Variants in RETREG3 observed in about 807,000 individuals in gnomAD.
RETREG3 encodes the protein reticulophagy regulator 3.
A neutral mutation model predicts 50.2 loss-of-function variants in RETREG3; 23 were observed. That is an observed-to-expected ratio of 0.46 (90% CI 0.33 to 0.65). RETREG3 has a LOEUF of 0.65. Ranked by LOEUF, RETREG3 falls within the 30% of genes least tolerant of loss-of-function variation. The pLI is 0.02. For synonymous variants in RETREG3, 240 were observed against 234.4 expected (o/e 1.02, Z -0.22); for missense variants, 546 against 598.0 (o/e 0.91, Z 0.91).
At chr17:42,586,354 C>T (rs2093121238) in intron 4 of RETREG3, 1 of 520,258 alleles carries the variant, frequency 1.9e-6, no homozygotes. Context: ...AGGGCTGCAC[C>T]TTTCCTGCCA....
chr17:42,583,287 A>G (rs922426705), intron 7 of RETREG3, among the ~76,000 whole-genome samples: 4 of 152,188 alleles, frequency 2.6e-5, no homozygotes, highest in Admixed American at 6.5e-5. Context: ...GCTGGGCATC[A>G]GGCTCTAATT....
At chr17:42,590,829 T>C (rs553901220) in intron 2 of RETREG3, among the ~76,000 whole-genome samples, 64 of 152,210 alleles carry the variant, frequency 4.2e-4, no homozygotes, top group African/African-American at 1.5e-3. Flanking sequence ...TAGCCAGGCA[T>C]GGTGGTGCGT....
At chr17:42,597,552 A>G (rs1364676145) in intron 1 of RETREG3, among the ~76,000 whole-genome samples, 1 of 128,346 alleles carries the variant, frequency 7.8e-6, no homozygotes, top group African/African-American at 3.1e-5. Context: ...TTTCGTATAT[A>G]TATTTTTGTG....
chr17:42,609,032 G>C (rs2093174028), intron 1 of RETREG3, 54 bp downstream of exon 1: 5 of 1,556,824 alleles, frequency 3.2e-6, no homozygotes, highest in Admixed American at 3.5e-5. Flanking sequence ...TAGAGCCCTA[G>C]AGGAACCAAC....
intron 1 of RETREG3, among the ~76,000 whole-genome samples, chr17:42,602,779 G>A (rs780764914): frequency 7.9e-5 from 12 of 152,062 alleles, no homozygotes; most frequent in African/African-American, 2.7e-4. Context: ...TTGTTTCTAC[G>A]AAAAATACAA....
At chr17:42,603,092 A>G (rs1306709649) in intron 1 of RETREG3, among the ~76,000 whole-genome samples, 1 of 152,118 alleles carries the variant, frequency 6.6e-6, no homozygotes, top group African/African-American at 2.4e-5. Context: ...GTCAGGGACT[A>G]AAATCCAATT....
chr17:42,605,398 C>T (rs147659537), intron 1 of RETREG3: 78 of 152,254 alleles, frequency 5.1e-4, no homozygotes, highest in African/African-American at 1.8e-3. Context: ...CTGACTTGAG[C>T]TAATGATCCT....
chr17:42,607,501 A>G (rs952822995), intron 1 of RETREG3, among the ~76,000 whole-genome samples: 3 of 143,784 alleles, frequency 2.1e-5, no homozygotes, highest in Admixed American at 6.9e-5. Flanking sequence ...CCTTGTCTCA[A>G]AAAAAAAAAA....
Position 42,581,874 on chromosome 17 carries a change from A to G in RETREG3, c.1340T>C (p.Phe447Ser), listed in dbSNP as rs2093109539. 1 of 1,613,008 alleles carries G rather than the reference A, an allele frequency of 6.2e-7. No homozygotes were observed. Among genetic ancestry groups the G allele is most frequent in the Admixed American group, 1.7e-5 (1 of 59,954 alleles). The change falls in exon 9 of 9, where the codon TTT becomes TCT. Residue 447 changes from phenylalanine (F) to serine (S), a missense_variant. Phe to Ser is a radical substitution (Grantham distance 155). Coordinates refer to ENST00000309428, the MANE Select transcript of RETREG3 (RefSeq NM_178126.4). ...DLDTDAEGDDFELLDQSELSQ... is the reference protein window; with the variant it reads ...DLDTDAEGDDSELLDQSELSQ... ...CAGCTCCGACTGGTCCAGAAGTTCA[A>G]AGTCATCCCCCTCAGCATCAGTGTC...
intron 3 of RETREG3, 139 bp from the exon 4 acceptor site, chr17:42,587,030 A>G (rs543788597): frequency 1.5e-4 from 173 of 1,173,830 alleles, no homozygotes; most frequent in Non-Finnish European, 2.0e-4. Flanking sequence ...GTGAAGCATG[A>G]CTTTCTTCTT....
intron 1 of RETREG3, 30 bp from the exon 2 acceptor site, chr17:42,592,192 C>G (rs753459375): frequency 1.3e-6 from 2 of 1,582,132 alleles, no homozygotes; most frequent in Non-Finnish European, 1.7e-6. Context: ...GAAGAAAGAT[C>G]ATTTACCTAG....
chr17:42,599,067 T>A (rs954664603), intron 1 of RETREG3: 2 of 152,186 alleles, frequency 1.3e-5, no homozygotes, highest in African/African-American at 2.4e-5. Flanking sequence ...AAGGGGAAAT[T>A]GCCAACAGTC....
At chr17:42,598,682 C>T (rs1194188187) in intron 1 of RETREG3, 1 of 152,204 alleles carries the variant, frequency 6.6e-6, no homozygotes, top group Non-Finnish European at 1.5e-5. Context: ...GCTTAGATAT[C>T]TTCCTGTTTG....
Position 42,585,250 on chromosome 17 carries a change from A to T in RETREG3, c.602T>A (p.Met201Lys), listed in dbSNP as rs774036950. 8.1e-6 allele frequency: 13 copies of T among 1,613,672 alleles called. No homozygotes were observed. The South Asian group carries it at 1.2e-4, about 15-fold the overall frequency. The change falls in exon 6 of 9, where the codon ATG (methionine) becomes AAG (lysine). Residue 201 changes from methionine (M) to lysine (K), a missense_variant. Met to Lys is a moderately conservative substitution (Grantham distance 95). Transcript: ENST00000309428. The stretch of plus-strand genomic sequence containing the variant: ...GTGGTACACAGCAAGGGGCCACATC[A>T]TGACAGTGACAACTGTGAGGAGGCA... Reference protein sequence around the residue: ...LLSYLMLVTVMMWPLAVYHRL... With the variant: ...LLSYLMLVTVKMWPLAVYHRL...
chr17:42,595,850 G>A (rs1279809805), intron 1 of RETREG3, among the ~76,000 whole-genome samples: 5 of 149,578 alleles, frequency 3.3e-5, no homozygotes, highest in Admixed American at 6.6e-5. Flanking sequence ...AGCAGTGAAC[G>A]TGTTCACGCC....
At chr17:42,607,295 T>G (rs759084872) in intron 1 of RETREG3, among the ~76,000 whole-genome samples, 52 of 151,894 alleles carry the variant, frequency 3.4e-4, no homozygotes, top group Non-Finnish European at 6.3e-4. Context: ...GCCTAGGAGT[T>G]CGAGACCAGC....
At chr17:42,585,346 T>C in intron 5 of RETREG3, 84 bp from the exon 6 acceptor site, 1 of 1,545,874 alleles carries the variant, frequency 6.5e-7, no homozygotes, top group Non-Finnish European at 8.7e-7. Flanking sequence ...TATTGGTCCT[T>C]AGGGCTTGGA....
chr17:42,598,362 T>A (rs2093152236), intron 1 of RETREG3, among the ~76,000 whole-genome samples: 1 of 152,112 alleles, frequency 6.6e-6, no homozygotes, highest in South Asian at 2.1e-4. Context: ...CAAGGATTAA[T>A]CTTGTTATGG....
In RETREG3 at chr17:42,585,152, T is replaced by C. The variant is rs201763838; in HGVS notation, c.700A>G (p.Met234Val). ...QRLDFSVRGY[M>V]MSKQRERQLR... ...TGTCTCTCTCTCTGCTTGGACATCA[T>C]GTAGCCACGGACACTGAAGTCTAGC... Residue 234 changes from methionine to valine, a missense_variant, in exon 6 of 9, where the codon ATG becomes GTG. Met to Val is a conservative substitution (Grantham distance 21). Transcript: ENST00000309428. 10 of 1,613,576 alleles carry C rather than the reference T, an allele frequency of 6.2e-6. No individual in the cohort carries two copies. Among genetic ancestry groups the C allele is most frequent in the South Asian group, 2.2e-5 (2 of 91,082 alleles).
Sources: gnomAD v4.1 joint callset for allele counts (sites outside exome capture counted in the v4.1 genomes callset) on GRCh38, gnomAD v4.1.1 for gene constraint, MANE v1.5 for transcripts, NCBI Gene and HGNC (gene_info 2026-07-23, HGNC 2026-07-21) for gene names.